The following FYB2 variants were observed in gnomAD, a reference collection of about 807,000 sequenced individuals.
FYB2 encodes the protein FYN binding protein 2, also known as FYN-binding protein 2.
Under a neutral mutation model 94.1 loss-of-function variants are expected in FYB2, and 103 were observed. That is an observed-to-expected ratio of 1.09 (90% confidence interval 0.93 to 1.29). FYB2 has a LOEUF of 1.29. Ranked by LOEUF, FYB2 falls within the 50% of genes most tolerant of loss-of-function variation. FYB2 has a pLI of 0.00. For missense variants in FYB2, 896 were observed against 841.5 expected, an observed-to-expected ratio of 1.06 and a Z score of -0.80; for synonymous variants, 293 against 287.9, an observed-to-expected ratio of 1.02 and a Z score of -0.18.
chr1:56,792,249 T>A lies in FYB2; in HGVS notation c.564A>T (p.Thr188=), dbSNP rs779472056. The change falls in exon 2 of 20, where the codon ACA becomes ACT. Residue 188 remains threonine, a synonymous_variant. Transcript: ENST00000343433. ...GGGAAGGAAGAGTCTGGGCTCCTTT[T>A]GTTTCCAGCTTTTTCCTGGGTTCCT... ...TPEEPRKKLE[T]KGAQTLPSQK... 19 of 1,612,236 alleles carry A rather than the reference T, an allele frequency of 1.2e-5. No homozygotes were observed. Among genetic ancestry groups the A allele is most frequent in the Non-Finnish European group, 1.5e-5 (18 of 1,179,606 alleles).
At chr1:56,725,880 A>C (rs1201339837) in intron 16 of FYB2, among the ~76,000 whole-genome samples, 1 of 152,036 alleles carries the variant, frequency 6.6e-6, no homozygotes, top group Non-Finnish European at 1.5e-5. Flanking sequence ...TCATTTGTAG[A>C]GAAAGTACCT....
chr1:56,763,016 A>G (rs1333660425), intron 5 of FYB2, among the ~76,000 whole-genome samples: 1 of 152,100 alleles, frequency 6.6e-6, no homozygotes, highest in Non-Finnish European at 1.5e-5. Context: ...TTTCTTCTTT[A>G]TCCTGCCAAT....
intron 4 of FYB2, among the ~76,000 whole-genome samples, chr1:56,783,706 G>A (rs1300483610): frequency 6.6e-6 from 1 of 152,264 alleles, no homozygotes; most frequent in African/African-American, 2.4e-5. Flanking sequence ...AAGCGTGTGT[G>A]TGTGTGTATG....
chr1:56,772,116 TA>T (rs1645772193), intron 4 of FYB2, among the ~76,000 whole-genome samples: 1 of 152,138 alleles, frequency 6.6e-6, no homozygotes, highest in South Asian at 2.1e-4. Flanking sequence ...GAAACTTTCT[TA>T]AATTATAGGC....
At chr1:56,790,442 C>G (rs954711542) in intron 2 of FYB2, among the ~76,000 whole-genome samples, 1 of 152,196 alleles carries the variant, frequency 6.6e-6, no homozygotes, top group Non-Finnish European at 1.5e-5. Flanking sequence ...AGGCACTGTG[C>G]TAAGTAGTTT....
At chr1:56,779,346 C>T (rs116759396) in intron 4 of FYB2, among the ~76,000 whole-genome samples, 1 of 152,126 alleles carries the variant, frequency 6.6e-6, no homozygotes, top group Non-Finnish European at 1.5e-5. Context: ...GAGCGTGCCT[C>T]TCATGTGGGC....
chr1:56,792,488 G>A lies in FYB2; in HGVS notation c.325C>T (p.Gln109Ter), dbSNP rs199762073. The change falls in exon 2 of 20, where the codon CAG (glutamine) becomes TAG (stop). Residue 109 changes from glutamine to a stop codon, truncating the protein, a stop_gained. Transcript: ENST00000343433. LOFTEE classifies it high-confidence loss of function. The part of the protein sequence containing the change: ...KSTVCSATSS[Q>*]KASLLLEVTQ... Reference sequence around the variant, plus strand: ...ACCTCTAACAGCAGAGAAGCCTTCTGTGAACTTGTTGCAGAACATACAGTA... The same window carrying A: ...ACCTCTAACAGCAGAGAAGCCTTCTATGAACTTGTTGCAGAACATACAGTA... 2.5e-6 allele frequency: 4 copies of A among 1,614,050 alleles called. No homozygotes were observed. The highest frequency in any genetic ancestry group is 3.4e-6 in the Non-Finnish European group (4 of 1,180,014).
chr1:56,747,554 A>G (rs1645097070), intron 9 of FYB2, among the ~76,000 whole-genome samples: 1 of 152,108 alleles, frequency 6.6e-6, no homozygotes, highest in Non-Finnish European at 1.5e-5. Context: ...GATGGCTTCC[A>G]GCTTCACCCA....
At chr1:56,783,055 A>G (rs1646045190) in intron 4 of FYB2, among the ~76,000 whole-genome samples, 2 of 152,206 alleles carry the variant, frequency 1.3e-5, no homozygotes, top group African/African-American at 4.8e-5. Context: ...GATGACAAAG[A>G]ATAATCTCCA....
chr1:56,811,687 T>G (rs1359254363), intron 1 of FYB2, among the ~76,000 whole-genome samples: 1 of 152,096 alleles, frequency 6.6e-6, no homozygotes, highest in Non-Finnish European at 1.5e-5. Flanking sequence ...CACCCAGAGG[T>G]CTTGAGACTC....
At chr1:56,753,147 T>C (rs551879647) in intron 8 of FYB2, among the ~76,000 whole-genome samples, 1 of 152,160 alleles carries the variant, frequency 6.6e-6, no homozygotes, top group South Asian at 2.1e-4. Context: ...GACAACTGCA[T>C]CTTAAAAGAT....
chr1:56,730,474 A>T (rs926398867), intron 15 of FYB2, among the ~76,000 whole-genome samples: 4 of 151,988 alleles, frequency 2.6e-5, no homozygotes, highest in Non-Finnish European at 5.9e-5. Context: ...GTCAAAGTGA[A>T]AAAAGAGACA....
chr1:56,743,306 A>G (rs758587240), intron 11 of FYB2, among the ~76,000 whole-genome samples: 1 of 152,068 alleles, frequency 6.6e-6, no homozygotes, highest in Non-Finnish European at 1.5e-5. Context: ...TGGTATGTAT[A>G]AAGAAGGTAA....
chr1:56,760,267 T>C (rs1645460091), intron 5 of FYB2, among the ~76,000 whole-genome samples: 3 of 152,176 alleles, frequency 2.0e-5, no homozygotes, highest in Admixed American at 1.3e-4. Context: ...TTTCTCTTTC[T>C]TGCTGCTAAA....
At position 56,740,726 on chromosome 1, in the gene FYB2, T is replaced by C; in HGVS notation, c.1674A>G (p.Ile558Met). ...AGTTTTCTTTCGACTTGGTTTTCTT[T>C]ATTTTAAATCTATCCTTTTCTTTCT... ...FFKKEKDRFK[I>M]KKTKSKENLS... Residue 558 changes from isoleucine (I) to methionine (M), a missense_variant, in exon 13 of 20, where the codon ATA becomes ATG. Coordinates refer to ENST00000343433, the MANE Select transcript of FYB2 (RefSeq NM_001004303.5). 6.2e-7 allele frequency: 1 copy of C among 1,606,498 alleles called. No individual in the cohort carries two copies. The highest frequency in any genetic ancestry group is 8.5e-7 in the Non-Finnish European group (1 of 1,175,814).
intron 1 of FYB2, among the ~76,000 whole-genome samples, chr1:56,794,677 C>T (rs1646353238): frequency 6.6e-6 from 1 of 152,092 alleles, no homozygotes; most frequent in Admixed American, 6.6e-5. Flanking sequence ...CTCTAACACA[C>T]ACACACACGC....
intron 15 of FYB2, 69 bp from the exon 16 acceptor site, chr1:56,726,652 T>A: frequency 2.4e-6 from 3 of 1,247,114 alleles, no homozygotes; most frequent in African/African-American, 1.5e-5. Flanking sequence ...CATCAACACT[T>A]CATGGGCAAT....
At chr1:56,809,367 T>TTTCTA (rs775080540) in intron 1 of FYB2, among the ~76,000 whole-genome samples, 78 of 152,040 alleles carry the variant, frequency 5.1e-4, no homozygotes, top group Non-Finnish European at 9.7e-4. Context: ...AATTTTTTTT[T>TTTCTA]CTCTACATCC....
intron 5 of FYB2, among the ~76,000 whole-genome samples, chr1:56,762,671 C>G (rs568360286): frequency 6.6e-6 from 1 of 152,232 alleles, no homozygotes; most frequent in Admixed American, 6.5e-5. Flanking sequence ...TCTAGATAAT[C>G]ATGCCACTGT....
Sources: allele counts gnomAD v4.1 joint callset (sites outside exome capture counted in the v4.1 genomes callset), GRCh38; gene constraint gnomAD v4.1.1; transcripts MANE v1.5; gene names NCBI Gene and HGNC (gene_info 2026-07-23, HGNC 2026-07-21).